Variants in ZNF398 observed in about 807,000 individuals in gnomAD.
ZNF398 encodes zinc finger DNA binding protein ZER6.
ZNF398 carries 18 observed loss-of-function variants against 41.9 expected under a neutral mutation model. That is an observed-to-expected ratio of 0.43 (90% CI 0.30 to 0.64). ZNF398 has a LOEUF of 0.64. Among genes scored for constraint, ZNF398 ranks in the 30% least tolerant of loss-of-function variants. The probability of loss-of-function intolerance (pLI) is 0.14; values close to 1 mark genes in which losing one functional copy is unlikely to be tolerated. For synonymous variants in ZNF398, 260 were observed against 308.8 expected, an observed-to-expected ratio of 0.84 and a Z score of 1.66; for missense variants, 669 against 822.8, an observed-to-expected ratio of 0.81 and a Z score of 2.29.
intron 2 of ZNF398, among the ~76,000 whole-genome samples, chr7:149,162,726 TG>T (rs1795137114): frequency 6.6e-6 from 1 of 152,162 alleles, no homozygotes; most frequent in Non-Finnish European, 1.5e-5. Flanking sequence ...TAGAGGAACT[TG>T]TTTGAGAAAA....
At chr7:149,166,751 A>C (rs894062282) in intron 3 of ZNF398, 66 bp from the exon 4 acceptor site, 1 of 1,146,062 alleles carries the variant, frequency 8.7e-7, no homozygotes, top group African/African-American at 1.5e-5. Context: ...CTCAGCCTTG[A>C]TGGCAATTAG....
intron 2 of ZNF398, among the ~76,000 whole-genome samples, chr7:149,155,702 T>G (rs905614387): frequency 1.8e-5 from 1 of 57,076 alleles, no homozygotes; most frequent in African/African-American, 6.1e-5. Context: ...TATATATATA[T>G]ATATATTTTT....
intron 2 of ZNF398, among the ~76,000 whole-genome samples, chr7:149,141,296 CTTTT>C (rs35880201): frequency 1.5e-5 from 2 of 133,848 alleles, no homozygotes. Context: ...AATCCACAGA[CTTTT>C]TTTTTTTTTT....
chr7:149,129,877 C>G (rs761313266), intron 2 of ZNF398, among the ~76,000 whole-genome samples: 1 of 150,756 alleles, frequency 6.6e-6, no homozygotes, highest in South Asian at 2.1e-4. Context: ...CTCAGCTCAC[C>G]GCAACCTCCG....
At chr7:149,152,146 G>A (rs1270972625) in intron 1 of ZNF398, among the ~76,000 whole-genome samples, 2 of 151,972 alleles carry the variant, frequency 1.3e-5, no homozygotes, top group African/African-American at 2.4e-5. Flanking sequence ...CCCAGGCAGC[G>A]GAGGTTGCAG....
At chr7:149,138,787 T>A (rs1563154118) in intron 2 of ZNF398, among the ~76,000 whole-genome samples, 1 of 152,148 alleles carries the variant, frequency 6.6e-6, no homozygotes, top group Non-Finnish European at 1.5e-5. Context: ...ATTTCAAATA[T>A]TCTGCAAAGC....
chr7:149,156,504 CAAAA>C (rs1184656145), intron 2 of ZNF398, among the ~76,000 whole-genome samples: 15 of 36,492 alleles, frequency 4.1e-4, no homozygotes, highest in Non-Finnish European at 7.8e-4. Flanking sequence ...GACTCCATCT[CAAAA>C]AAAAAAAAAA....
chr7:149,151,648 C>T (rs1827116294), intron 1 of ZNF398, among the ~76,000 whole-genome samples: 1 of 151,902 alleles, frequency 6.6e-6, no homozygotes, highest in East Asian at 1.9e-4. Flanking sequence ...CATGTCAGTG[C>T]ACTCCAGCCT....
chr7:149,173,882 C>T (rs1221912404), intron 4 of ZNF398, among the ~76,000 whole-genome samples: 3 of 151,134 alleles, frequency 2.0e-5, no homozygotes, highest in Admixed American at 1.3e-4. Context: ...CAACCTCCGC[C>T]TCCTGGGTTC....
intron 5 of ZNF398, among the ~76,000 whole-genome samples, chr7:149,177,081 G>C (rs1349312183): frequency 6.6e-6 from 1 of 152,070 alleles, no homozygotes; most frequent in Admixed American, 6.6e-5. Context: ...CTCAAGATCA[G>C]AAGGGTCCCA....
Position 149,178,941 on chromosome 7 carries a change from T to C in ZNF398, c.1069T>C (p.Leu357=). 6.2e-7 allele frequency: 1 copy of C among 1,614,160 alleles called. No homozygotes were observed. Among genetic ancestry groups the C allele is most frequent in the Admixed American group, 1.7e-5 (1 of 60,004 alleles). ...HCGKNLSQDM[L]LTHQCSHATE... ...TGGCAAGAATCTCAGCCAAGACATGTTGCTGACCCACCAATGTAGCCATGC... is the reference window on the plus strand; with the variant it reads ...TGGCAAGAATCTCAGCCAAGACATGCTGCTGACCCACCAATGTAGCCATGC... The change falls in exon 6 of 6, where the codon TTG becomes CTG. Residue 357 remains leucine, a synonymous_variant. Coordinates refer to ENST00000475153, the MANE Select transcript of ZNF398 (RefSeq NM_170686.3).
chr7:149,137,342 G>A (rs941696052), intron 2 of ZNF398, among the ~76,000 whole-genome samples: 1 of 152,122 alleles, frequency 6.6e-6, no homozygotes, highest in African/African-American at 2.4e-5. Flanking sequence ...TTCTCAATCT[G>A]AGGGGAAGCC....
chr7:149,170,116 CAGACTCATAG>C (rs1795301418), intron 4 of ZNF398, among the ~76,000 whole-genome samples: 1 of 152,196 alleles, frequency 6.6e-6, no homozygotes, highest in African/African-American at 2.4e-5. Context: ...ACCCAAATTC[CAGACTCATAG>C]AAGGAAAGCA....
chr7:149,151,761 C>T (rs1051453441), intron 1 of ZNF398, among the ~76,000 whole-genome samples: 1 of 150,180 alleles, frequency 6.7e-6, no homozygotes, highest in Non-Finnish European at 1.5e-5. Context: ...TTTATTCATT[C>T]ATTCAACAAA....
intron 2 of ZNF398, among the ~76,000 whole-genome samples, chr7:149,132,349 C>A (rs1431152031): frequency 6.6e-6 from 1 of 152,012 alleles, no homozygotes; most frequent in African/African-American, 2.4e-5. Flanking sequence ...CATGTGCCAC[C>A]ACGCCCTGCT....
exon 1 of ZNF398, chr7:149,126,433 G>GGCCCGCACGGAGGGT: frequency 1.2e-6 from 1 of 809,866 alleles, no homozygotes; most frequent in Non-Finnish European, 1.8e-6. Context: ...TCAGAGGAGG[G>GGCCCGCACGGAGGGT]GCCCGGGCAC....
rs570737209 is a variant in ZNF398, at chr7:149,155,157, C to A, written c.420+817C>A. ...CAAAAATTGGCCAGGTGTGGTGGCT[C>A]ACACCTGTAAACCCAGCACTTTGGG... On this transcript the variant is annotated intron_variant, in intron 2 of 5. Coordinates refer to ENST00000475153, the MANE Select transcript of ZNF398 (RefSeq NM_170686.3). 2.0e-5 allele frequency among the ~76,000 whole-genome samples: 3 copies of A among 151,348 alleles called. No homozygotes were observed. In the East Asian group the frequency reaches 5.9e-4, roughly 30 times the overall value.
At chr7:149,128,472 C>T (rs111687246) in intron 1 of ZNF398, among the ~76,000 whole-genome samples, 1 of 152,104 alleles carries the variant, frequency 6.6e-6, no homozygotes, top group Non-Finnish European at 1.5e-5. Flanking sequence ...TCTGGCCGGG[C>T]GCAGTAGCTC....
chr7:149,165,491 G>A (rs533790286), intron 2 of ZNF398, among the ~76,000 whole-genome samples: 56 of 152,310 alleles, frequency 3.7e-4, no homozygotes, highest in South Asian at 3.5e-3. Context: ...GAGGCAGGTA[G>A]AGAAGAAATG....
Sources: gnomAD v4.1 joint callset for allele counts (sites outside exome capture counted in the v4.1 genomes callset) on GRCh38, gnomAD v4.1.1 for gene constraint, MANE v1.5 for transcripts, NCBI Gene and HGNC (gene_info 2026-07-23, HGNC 2026-07-21) for gene names.